PKHD1: variants seen among roughly 807,000 people sequenced by gnomAD.
The protein encoded by PKHD1 is fibrocystin.
A neutral mutation model predicts 412.0 loss-of-function variants in PKHD1; 291 were observed. The ratio of observed to expected loss-of-function variants is 0.71; its 90% CI spans 0.64 to 0.78. The LOEUF (loss-of-function observed/expected upper bound fraction) is 0.78. Ranked by LOEUF, PKHD1 falls within the 30% of genes least tolerant of loss-of-function variation. The pLI is 0.00. For missense variants in PKHD1, 4,825 were observed against 4,950.7 expected (o/e 0.97, Z 0.76); for synonymous variants, 1,777 against 1,821.5 (o/e 0.98, Z 0.62).
At chr6:51,637,875 GC>G (rs1156798118) in intron 64 of PKHD1, among the ~76,000 whole-genome samples, 1 of 152,050 alleles carries the variant, frequency 6.6e-6, no homozygotes, top group Non-Finnish European at 1.5e-5. Flanking sequence ...CTGCACTCCA[GC>G]CTGGGTGACA....
At chr6:51,954,898 T>C (rs960418452) in intron 36 of PKHD1, among the ~76,000 whole-genome samples, 6 of 152,028 alleles carry the variant, frequency 3.9e-5, no homozygotes, top group Admixed American at 3.9e-4. Context: ...CATTGCTTCA[T>C]TCAGGAAATA....
chr6:51,681,146 C>G (rs1365868804), intron 60 of PKHD1, among the ~76,000 whole-genome samples: 1 of 152,004 alleles, frequency 6.6e-6, no homozygotes, highest in East Asian at 1.9e-4. Flanking sequence ...AGAAATTGAT[C>G]TATGAGAAAT....
intron 35 of PKHD1, among the ~76,000 whole-genome samples, chr6:51,971,975 G>A (rs922215893): frequency 7.2e-5 from 11 of 151,996 alleles, no homozygotes; most frequent in Middle Eastern, 3.4e-3. Flanking sequence ...CAAGCAATCC[G>A]TCCAGCTCGG....
chr6:51,807,437 CAAAAAAAAA>C (rs1174429085), intron 52 of PKHD1, among the ~76,000 whole-genome samples: 3,473 of 39,024 alleles, frequency 0.089, 117 homozygotes, highest in Non-Finnish European at 0.13. Flanking sequence ...GACTCTGTCT[CAAAAAAAAA>C]AAAAAAAAAA....
Position 52,025,035 on chromosome 6 carries a change from G to T in PKHD1, c.4775C>A (p.Thr1592Asn). The change falls in exon 32 of 67, where the codon ACC becomes AAC. Residue 1592 changes from threonine to asparagine, a missense_variant. By Grantham distance (65) the Thr-to-Asn change is moderately conservative. Transcript: ENST00000371117. ...TCCTCTCAGGCCTGTGCCCTCTATGGTCAAGAGGCTTCCACCATGTAAGCT... is the reference window on the plus strand; with the variant it reads ...TCCTCTCAGGCCTGTGCCCTCTATGTTCAAGAGGCTTCCACCATGTAAGCT... ...NFSLHGGSLL[T>N]IEGTGLRGQN... The T allele has an allele frequency of 6.2e-7, 1 of 1,614,102 alleles. No homozygotes were observed. Among genetic ancestry groups the T allele is most frequent in the Non-Finnish European group, 8.5e-7 (1 of 1,179,972 alleles).
intron 37 of PKHD1, among the ~76,000 whole-genome samples, chr6:51,913,517 A>G (rs1217870242): frequency 6.6e-6 from 1 of 152,074 alleles, no homozygotes; most frequent in African/African-American, 2.4e-5. Flanking sequence ...TTATCTGAAT[A>G]CTTCAGAAAA....
intron 61 of PKHD1, among the ~76,000 whole-genome samples, chr6:51,650,439 G>GTTAT (rs138227368): frequency 0.51 from 75,488 of 147,898 alleles, 21,654 homozygotes; most frequent in Non-Finnish European, 0.65. Flanking sequence ...GGTCTCATGA[G>GTTAT]GTATTTATTT....
chr6:51,867,601 G>C (rs764753732), intron 48 of PKHD1, among the ~76,000 whole-genome samples: 1 of 152,080 alleles, frequency 6.6e-6, no homozygotes, highest in Non-Finnish European at 1.5e-5. Flanking sequence ...CTAAGAAGAA[G>C]TTATTAGCCC....
intron 7 of PKHD1, among the ~76,000 whole-genome samples, chr6:52,072,585 C>T (rs1004638525): frequency 6.6e-6 from 1 of 152,092 alleles, no homozygotes; most frequent in South Asian, 2.1e-4. Flanking sequence ...GGAGTTTCTA[C>T]CCCCCACAAG....
chr6:51,857,320 C>T (rs1321279014), intron 48 of PKHD1, among the ~76,000 whole-genome samples: 2 of 152,118 alleles, frequency 1.3e-5, no homozygotes, highest in Non-Finnish European at 2.9e-5. Context: ...ATTAAATTCT[C>T]AAAGTAAGGG....
intron 22 of PKHD1, among the ~76,000 whole-genome samples, chr6:52,049,465 AATATATATATCCCTACACCCACAT>A (rs1028611373): frequency 2.4e-4 from 36 of 152,142 alleles, no homozygotes; most frequent in Admixed American, 1.3e-4. Flanking sequence ...ATACACTGTG[AATATATATATCCCTACACCCACAT>A]ATACATATAC....
intron 60 of PKHD1, among the ~76,000 whole-genome samples, chr6:51,714,243 G>A (rs141485349): frequency 2.0e-5 from 3 of 152,234 alleles, no homozygotes; most frequent in Non-Finnish European, 4.4e-5. Context: ...GGTGGCACAC[G>A]CCAGTAGTTC....
intron 48 of PKHD1, among the ~76,000 whole-genome samples, chr6:51,856,923 A>T (rs137870413): frequency 6.6e-6 from 1 of 152,360 alleles, no homozygotes; most frequent in East Asian, 1.9e-4. Context: ...TTCCAAAAGC[A>T]GCCAGTGACA....
At position 51,817,370 on chromosome 6, in the gene PKHD1, T is replaced by C. The variant is rs114708548; in HGVS notation, c.8302+13491A>G. On this transcript the variant is annotated intron_variant, in intron 52 of 66. Transcript: ENST00000371117. ...GCTATTGTGGTGAAGATTGGAATTA[T>C]CAATACCTCAACCTATGGGAGGAAA... is the stretch of plus-strand genomic sequence containing the variant. 2.7e-3 allele frequency among the ~76,000 whole-genome samples: 415 copies of C among 152,166 alleles called. 1 individual carries two copies. The highest frequency in any genetic ancestry group is 8.6e-3 in the African/African-American group (359 of 41,522).
intron 61 of PKHD1, among the ~76,000 whole-genome samples, chr6:51,651,330 T>C (rs1770928821): frequency 1.3e-5 from 2 of 152,146 alleles, no homozygotes; most frequent in African/African-American, 2.4e-5. Flanking sequence ...TTTTACGATA[T>C]GTTATAATAG....
At chr6:51,850,669 T>C (rs776021880) in intron 49 of PKHD1, among the ~76,000 whole-genome samples, 40 of 152,128 alleles carry the variant, frequency 2.6e-4, no homozygotes, top group Non-Finnish European at 5.0e-4. Context: ...TGAATAGGAG[T>C]TCATTCATGA....
intron 55 of PKHD1, among the ~76,000 whole-genome samples, chr6:51,768,776 CTGTT>C (rs983221496): frequency 2.6e-5 from 4 of 151,592 alleles, no homozygotes; most frequent in African/African-American, 9.7e-5. Flanking sequence ...AAATACAAAA[CTGTT>C]TGAGAGGAAT....
chr6:51,982,815 A>AT (rs1377253317), intron 35 of PKHD1, among the ~76,000 whole-genome samples: 1,656 of 139,976 alleles, frequency 0.012, 21 homozygotes, highest in African/African-American at 0.04. Context: ...ATAAAAAAAA[A>AT]AATAATAATA....
intron 13 of PKHD1, among the ~76,000 whole-genome samples, chr6:52,063,952 G>A (rs1322641663): frequency 2.6e-5 from 4 of 152,278 alleles, no homozygotes; most frequent in Non-Finnish European, 4.4e-5. Flanking sequence ...ACTGAAAAAG[G>A]GAGCAGACTC....
Sources: gnomAD v4.1 joint callset for allele counts (sites outside exome capture counted in the v4.1 genomes callset) on GRCh38, gnomAD v4.1.1 for gene constraint, MANE v1.5 for transcripts, NCBI Gene and HGNC (gene_info 2026-07-23, HGNC 2026-07-21) for gene names.